LDB2: variants seen among roughly 807,000 people sequenced by gnomAD.
LDB2 encodes the protein LIM domain binding 2.
Under a neutral mutation model 44.3 loss-of-function variants are expected in LDB2, and 12 were observed. The ratio of observed to expected loss-of-function variants is 0.27; its 90% CI spans 0.17 to 0.44. The LOEUF (loss-of-function observed/expected upper bound fraction) is 0.44, where lower values mean the gene tolerates loss of function less well. Ranked by LOEUF, LDB2 falls within the 20% of genes least tolerant of loss-of-function variation. LDB2 has a pLI of 1.00. For missense variants in LDB2, 344 were observed against 473.5 expected, an observed-to-expected ratio of 0.73 and a Z score of 2.54; for synonymous variants, 164 against 174.8, an observed-to-expected ratio of 0.94 and a Z score of 0.49.
At chr4:16,641,629 G>T (rs751053185) in intron 2 of LDB2, among the ~76,000 whole-genome samples, 1 of 152,126 alleles carries the variant, frequency 6.6e-6, no homozygotes, top group South Asian at 2.1e-4. Context: ...TGAACTCAGA[G>T]TAAGAAGTCG....
chr4:16,761,506 G>T (rs1235956188), intron 1 of LDB2, among the ~76,000 whole-genome samples: 2 of 152,178 alleles, frequency 1.3e-5, no homozygotes, highest in African/African-American at 4.8e-5. Context: ...CATCATGGCG[G>T]AATTCAGTCC....
rs1298145821 is a variant in LDB2 at position 16,649,764 on chromosome 4, A to G, written c.236-53889T>C. Among the ~76,000 whole-genome samples the G allele has an allele frequency of 1.4e-4, 22 of 152,232 alleles. 1 individual carries two copies. Among genetic ancestry groups the G allele is most frequent in the Admixed American group, 1.4e-3 (22 of 15,288 alleles). ...TGAATCCATTTGAACTCTTCTTATGATCCTTATTGACAGAACTTAGAGACT... is the reference window on the plus strand; with the variant it reads ...TGAATCCATTTGAACTCTTCTTATGGTCCTTATTGACAGAACTTAGAGACT... On this transcript the variant is annotated intron_variant, in intron 2 of 7. Coordinates refer to ENST00000304523, the MANE Select transcript of LDB2 (RefSeq NM_001290.5).
At chr4:16,790,013 G>A (rs1237075003) in intron 1 of LDB2, among the ~76,000 whole-genome samples, 1 of 152,176 alleles carries the variant, frequency 6.6e-6, no homozygotes, top group East Asian at 1.9e-4. Flanking sequence ...AAGGCTCAGA[G>A]AGTTTTAGTT....
Position 16,600,634 on chromosome 4 carries a change from A to T in LDB2, c.236-4759T>A, listed in dbSNP as rs368061376. ...AATAGCTAAGATTTAATTCATAGCTAATTGAGCTGTGGATCCCTGCTTTCA... is the reference window on the plus strand; with the variant it reads ...AATAGCTAAGATTTAATTCATAGCTTATTGAGCTGTGGATCCCTGCTTTCA... On this transcript the variant is annotated intron_variant, in intron 2 of 7. Transcript: ENST00000304523. 6.0e-4 allele frequency among the ~76,000 whole-genome samples: 91 copies of T among 152,286 alleles called. No individual in the cohort carries two copies. The Middle Eastern group carries it at 0.01, about 17-fold the overall frequency.
intron 1 of LDB2, among the ~76,000 whole-genome samples, chr4:16,791,350 T>A (rs141390118): frequency 0.021 from 3,213 of 151,206 alleles, 66 homozygotes; most frequent in South Asian, 0.11. Context: ...AGGTCAGGAG[T>A]TCGAGACCAG....
chr4:16,602,226 G>T (rs760554870), intron 2 of LDB2, among the ~76,000 whole-genome samples: 2 of 152,152 alleles, frequency 1.3e-5, no homozygotes, highest in Non-Finnish European at 1.5e-5. Flanking sequence ...GAATAAACTT[G>T]ATAGCTCGGG....
intron 2 of LDB2, among the ~76,000 whole-genome samples, chr4:16,603,427 G>C (rs1176561088): frequency 6.6e-6 from 1 of 152,148 alleles, no homozygotes; most frequent in African/African-American, 2.4e-5. Flanking sequence ...AACAGCATTA[G>C]TTAGAGAAGG....
intron 1 of LDB2, among the ~76,000 whole-genome samples, chr4:16,769,304 ATTT>A (rs34836651): frequency 6.7e-6 from 1 of 149,514 alleles, no homozygotes; most frequent in Non-Finnish European, 1.5e-5. Flanking sequence ...TTTTATTTTT[ATTT>A]TTTTTTGAGA....
chr4:16,873,161 G>A (rs1402594758), intron 1 of LDB2, among the ~76,000 whole-genome samples: 4 of 152,184 alleles, frequency 2.6e-5, no homozygotes, highest in African/African-American at 2.4e-5. Flanking sequence ...ATTTAGCAAT[G>A]AGAAGACCTG....
chr4:16,707,269 T>C (rs930586809), intron 2 of LDB2, among the ~76,000 whole-genome samples: 28 of 152,166 alleles, frequency 1.8e-4, no homozygotes, highest in African/African-American at 6.8e-4. Flanking sequence ...AGGACTACTA[T>C]CTTTCTATTA....
intron 2 of LDB2, among the ~76,000 whole-genome samples, chr4:16,681,822 T>C (rs572820102): frequency 2.2e-4 from 33 of 151,994 alleles, no homozygotes; most frequent in Middle Eastern, 3.4e-3. Context: ...CTGCCCGCCT[T>C]GGCCTCCCAA....
chr4:16,733,366 AG>A (rs1262356064), intron 2 of LDB2, among the ~76,000 whole-genome samples: 67 of 148,844 alleles, frequency 4.5e-4, no homozygotes, highest in African/African-American at 1.6e-3. Flanking sequence ...AAAAAAAAAA[AG>A]TTGGGGGGCT....
At chr4:16,884,562 T>C (rs11726965) in intron 1 of LDB2, among the ~76,000 whole-genome samples, 49,210 of 151,876 alleles carry the variant, frequency 0.32, 8,223 homozygotes, top group South Asian at 0.47. Context: ...GCGTTCTTGC[T>C]ACCTTAAACA....
intron 2 of LDB2, among the ~76,000 whole-genome samples, chr4:16,695,495 T>C (rs572397329): frequency 2.0e-5 from 3 of 152,006 alleles, no homozygotes; most frequent in South Asian, 4.2e-4. Context: ...GAAAGCCTTA[T>C]AAAACATTGT....
At chr4:16,797,231 G>A (rs553620240) in intron 1 of LDB2, among the ~76,000 whole-genome samples, 1 of 152,130 alleles carries the variant, frequency 6.6e-6, no homozygotes, top group East Asian at 1.9e-4. Context: ...TTTTTGATCC[G>A]CCTTTGGCTG....
chr4:16,897,941 CATATGTATATATATATATATATATAT>C (rs1287354927), intron 1 of LDB2, among the ~76,000 whole-genome samples: 8 of 10,506 alleles, frequency 7.6e-4, no homozygotes, highest in Non-Finnish European at 1.3e-3. Flanking sequence ...TATATATACA[CATATGTATATATATATATATATATAT>C]ATATATACAC....
chr4:16,767,686 G>C (rs1031262742), intron 1 of LDB2, among the ~76,000 whole-genome samples: 1 of 152,208 alleles, frequency 6.6e-6, no homozygotes, highest in African/African-American at 2.4e-5. Flanking sequence ...AATTAACTCA[G>C]CCTGAACACA....
intron 2 of LDB2, among the ~76,000 whole-genome samples, chr4:16,719,980 A>C (rs986052122): frequency 2.0e-4 from 30 of 152,136 alleles, no homozygotes; most frequent in Admixed American, 2.0e-3. Context: ...AAGTAAAATC[A>C]AAGCTAATTT....
chr4:16,683,664 C>T (rs576859000), intron 2 of LDB2, among the ~76,000 whole-genome samples: 10 of 152,306 alleles, frequency 6.6e-5, no homozygotes, highest in South Asian at 4.1e-4. Flanking sequence ...GTTCACCTTA[C>T]GAAGGTGCCA....
Sources: gnomAD v4.1 joint callset for allele counts (sites outside exome capture counted in the v4.1 genomes callset) on GRCh38, gnomAD v4.1.1 for gene constraint, MANE v1.5 for transcripts, NCBI Gene and HGNC (gene_info 2026-07-23, HGNC 2026-07-21) for gene names.